Variants in SYT4 observed in about 807,000 individuals in gnomAD.
SYT4 encodes the protein synaptotagmin 4.
Under a neutral mutation model 32.9 loss-of-function variants are expected in SYT4, and 7 were observed. The ratio of observed to expected loss-of-function variants is 0.21; its 90% confidence interval spans 0.12 to 0.40. The LOEUF is 0.40. Ranked by LOEUF, SYT4 falls within the 10% of genes least tolerant of loss-of-function variation. The probability of loss-of-function intolerance (pLI) is 1.00; values close to 1 mark genes in which losing one functional copy is unlikely to be tolerated. For missense variants in SYT4, 480 were observed against 488.0 expected, an observed-to-expected ratio of 0.98 and a Z score of 0.16; for synonymous variants, 205 against 186.2, an observed-to-expected ratio of 1.10 and a Z score of -0.82.
chr18:43,275,027 T>C (rs1908750460), intron 1 of SYT4, among the ~76,000 whole-genome samples: 1 of 152,198 alleles, frequency 6.6e-6, no homozygotes, highest in African/African-American at 2.4e-5. Flanking sequence ...TTGTAACTTA[T>C]AACACTATCA....
Position 43,270,356 on chromosome 18 carries a change from C to G in SYT4, c.1263G>C (p.Val421=). The change falls in exon 4 of 4, where the codon GTG becomes GTC. Residue 421 remains valine, a synonymous_variant. Transcript: ENST00000255224. ...YPRRQIAKWH[V]LCDG is the part of the protein sequence containing the mutation. ...GGCTAGGATGCTAACCATCACAGAG[C>G]ACGTGCCACTTGGCAATTTGTCTCC... 6.2e-7 allele frequency: 1 copy of G among 1,613,920 alleles called. No homozygotes were observed. The highest frequency in any genetic ancestry group is 8.5e-7 in the Non-Finnish European group (1 of 1,179,850).
At chr18:43,276,544 T>C (rs1395220295) in intron 1 of SYT4, among the ~76,000 whole-genome samples, 2 of 152,186 alleles carry the variant, frequency 1.3e-5, no homozygotes, top group East Asian at 3.8e-4. Flanking sequence ...AAAGGAAAAC[T>C]GAACGGGAAA....
chr18:43,273,864 T>A lies in SYT4; in HGVS notation c.565A>T (p.Thr189Ser). Residue 189 changes from threonine to serine, a missense_variant, in exon 2 of 4, where the codon ACC (threonine) becomes TCC (serine). Thr to Ser is a moderately conservative substitution (Grantham distance 58). Transcript: ENST00000255224. Reference protein sequence around the residue: ...GLPAMDEQSMTSDPYIKMTIL... With the variant: ...GLPAMDEQSMSSDPYIKMTIL... ...GTCATTTTGATATATGGGTCAGAGG[T>A]CATCGACTGCTCATCCATGGCTGGC... 1 of 1,614,050 alleles carries A rather than the reference T, an allele frequency of 6.2e-7. No homozygotes were observed.
In SYT4 at chr18:43,268,137, G is replaced by T. The variant is rs1908510276; in HGVS notation, c.*2204C>A. On this transcript the variant is annotated 3_prime_UTR_variant, in exon 4 of 4. Transcript: ENST00000255224. Reference sequence around the variant, plus strand: ...AATTAATTTACATGTTTAATACAGTGCAGGATTTGTAACAGGATTCAAGAT... The same window carrying T: ...AATTAATTTACATGTTTAATACAGTTCAGGATTTGTAACAGGATTCAAGAT... 1 of 152,562 alleles carries T rather than the reference G, an allele frequency of 6.6e-6. No homozygotes were observed. Among genetic ancestry groups the T allele is most frequent in the African/African-American group, 2.4e-5 (1 of 41,418 alleles). 9.5% of individuals were successfully genotyped at this position (152,562 alleles called of 1,614,324 possible). A position where few individuals can be genotyped will look rare whatever the true frequency, so the allele number is the denominator to read the frequency against.
At position 43,273,638 on chromosome 18, in the gene SYT4, A is replaced by G; in HGVS notation, c.791T>C (p.Ile264Thr). ...IGEVLIPLSG[I>T]ELSEGKMLMN... is the part of the protein sequence containing the mutation. ...TAACATTTTTCCTTCAGATAATTCA[A>G]TTCCCGAGAGAGGAATTAGAACTTC... Residue 264 changes from isoleucine to threonine, a missense_variant, in exon 2 of 4, where the codon ATT becomes ACT. Ile to Thr is a moderately conservative substitution (Grantham distance 89, BLOSUM62 -1). Coordinates refer to ENST00000255224, the MANE Select transcript of SYT4 (RefSeq NM_020783.4). 6.2e-7 allele frequency: 1 copy of G among 1,613,850 alleles called. No individual in the cohort carries two copies. The highest frequency in any genetic ancestry group is 8.5e-7 in the Non-Finnish European group (1 of 1,179,832).
At position 43,276,976 on chromosome 18, in the gene SYT4, A is replaced by G. The variant is rs555613584; in HGVS notation, c.34+272T>C. Among the ~76,000 whole-genome samples, 19 of 152,292 alleles carry G rather than the reference A, an allele frequency of 1.2e-4. No homozygotes were observed. In the South Asian group the frequency reaches 2.5e-3, roughly 20 times the overall value. On this transcript the variant is annotated intron_variant, in intron 1 of 3. Coordinates refer to ENST00000255224, the MANE Select transcript of SYT4 (RefSeq NM_020783.4). The stretch of plus-strand genomic sequence containing the variant: ...AGACCCCTTTTTCTTTACTCAGTAC[A>G]TGCTGCAATTTACAGAAGTACCTGA...
intron 1 of SYT4, among the ~76,000 whole-genome samples, chr18:43,276,309 A>G (rs1245616703): frequency 6.6e-6 from 1 of 152,190 alleles, no homozygotes; most frequent in African/African-American, 2.4e-5. Context: ...ACAATCTTGA[A>G]AGTCAAGATC....
rs777626017 is a variant in SYT4 at position 43,277,265 on chromosome 18, G to A, written c.17C>T (p.Thr6Ile). Residue 6 changes from threonine to isoleucine, a missense_variant, in exon 1 of 4, where the codon ACC (threonine) becomes ATC (isoleucine). By Grantham distance (89) the Thr-to-Ile change is moderately conservative (BLOSUM62 -1). Coordinates refer to ENST00000255224, the MANE Select transcript of SYT4 (RefSeq NM_020783.4). Reference sequence around the variant, plus strand: ...TTGCTTACCAAATTCTTCCCGGCTGGTGGTGATCGGAGCCATTTTTTACTG... The same window carrying A: ...TTGCTTACCAAATTCTTCCCGGCTGATGGTGATCGGAGCCATTTTTTACTG... The part of the protein sequence containing the change: MAPIT[T>I]SREEFDEIPT... 6.8e-6 allele frequency: 11 copies of A among 1,613,934 alleles called. No individual in the cohort carries two copies. Among genetic ancestry groups the A allele is most frequent in the Non-Finnish European group, 9.3e-6 (11 of 1,179,960 alleles).
intron 1 of SYT4, among the ~76,000 whole-genome samples, chr18:43,276,688 C>T (rs979311671): frequency 6.6e-6 from 1 of 152,170 alleles, no homozygotes; most frequent in Non-Finnish European, 1.5e-5. Flanking sequence ...TTGAAACTCT[C>T]TTTAACCCTG....
At chr18:43,272,969 TG>T (rs143547437) in intron 2 of SYT4, among the ~76,000 whole-genome samples, 2,552 of 152,190 alleles carry the variant, frequency 0.017, 66 homozygotes, top group African/African-American at 0.059. Flanking sequence ...AAAGTGAAAA[TG>T]GGGTTAAATT....
At chr18:43,276,151 A>T (rs1031917119) in intron 1 of SYT4, among the ~76,000 whole-genome samples, 1 of 152,200 alleles carries the variant, frequency 6.6e-6, no homozygotes, top group African/African-American at 2.4e-5. Context: ...TAAACCCAAT[A>T]ACCCAAATGG....
Position 43,273,835 on chromosome 18 carries a change from G to A in SYT4, c.594C>T (p.Ile198=), listed in dbSNP as rs1324074215. The A allele has an allele frequency of 1.2e-6, 2 of 1,613,924 alleles. No individual in the cohort carries two copies. The highest frequency in any genetic ancestry group is 1.3e-5 in the African/African-American group (1 of 74,922). The change falls in exon 2 of 4, where the codon ATC becomes ATT. Residue 198 remains isoleucine, a synonymous_variant. Coordinates refer to ENST00000255224, the MANE Select transcript of SYT4 (RefSeq NM_020783.4). ...TCACTTTATGCTTCTTCTCTGGGAG[G>A]ATCGTCATTTTGATATATGGGTCAG... ...MTSDPYIKMT[I]LPEKKHKVKT... is the part of the protein sequence containing the mutation.
chr18:43,277,214 A>G, intron 1 of SYT4, 34 bp downstream of exon 1: 1 of 1,613,832 alleles, frequency 6.2e-7, no homozygotes, highest in Non-Finnish European at 8.5e-7. Flanking sequence ...TATTCAAGGA[A>G]TAACCGCAGT....
At chr18:43,271,641 A>G in intron 3 of SYT4, 71 bp downstream of exon 3, 1 of 1,585,958 alleles carries the variant, frequency 6.3e-7, no homozygotes, top group South Asian at 1.1e-5. Context: ...GAGTAAGAGT[A>G]GGTGGGCTCA....
At chr18:43,272,445 T>C (rs996764036) in intron 2 of SYT4, among the ~76,000 whole-genome samples, 8 of 152,138 alleles carry the variant, frequency 5.3e-5, no homozygotes, top group African/African-American at 1.4e-4. Context: ...ATCTTAAGCA[T>C]TGGAGAGCAT....
chr18:43,269,828 C>A lies in SYT4; in HGVS notation c.*513G>T. On this transcript the variant is annotated 3_prime_UTR_variant, in exon 4 of 4. Transcript: ENST00000255224. Reference sequence around the variant, plus strand: ...CAAACCAAACTGAAATGACCAGATACTTTTATATGCAGGACAACCATTTGC... The same window carrying A: ...CAAACCAAACTGAAATGACCAGATAATTTTATATGCAGGACAACCATTTGC... 1 of 155,068 alleles carries A rather than the reference C, an allele frequency of 6.4e-6. No homozygotes were observed. 9.6% of individuals were successfully genotyped at this position (155,068 alleles called of 1,614,324 possible). A position where few individuals can be genotyped will look rare whatever the true frequency, so the allele number is the denominator to read the frequency against.
In SYT4 at chr18:43,269,248, G is replaced by A. The variant is rs1284581367; in HGVS notation, c.*1093C>T. On this transcript the variant is annotated 3_prime_UTR_variant, in exon 4 of 4. Transcript: ENST00000255224. The stretch of plus-strand genomic sequence containing the variant: ...CTAAGCATATTTTGCGTGAACATAT[G>A]TAAATTATATTAGAATTGCTCTTGA... 2.6e-5 allele frequency: 4 copies of A among 152,170 alleles called. No individual in the cohort carries two copies. The highest frequency in any genetic ancestry group is 5.9e-5 in the Non-Finnish European group (4 of 68,038). The allele number at this position is 152,170 out of a possible 1,614,324, so 9.4% of individuals were successfully genotyped here.
chr18:43,273,450 A>T (rs1908691204), intron 2 of SYT4, 130 bp downstream of exon 2: 2 of 618,164 alleles, frequency 3.2e-6, no homozygotes, highest in Non-Finnish European at 5.5e-6. Flanking sequence ...CCATTAGATT[A>T]TAATTAATAA....
Position 43,270,635 on chromosome 18 carries a change from T to C in SYT4, c.984A>G (p.Lys328=). The change falls in exon 4 of 4, where the codon AAA becomes AAG. Residue 328 remains lysine, a synonymous_variant. Transcript: ENST00000255224. ...TCTTTTTGGCATGGTACAGGTTCAC[T>C]TTGACATAGGGATCTGCAGTGGAAC... ...DVSGLSDPYV[K]VNLYHAKKRI... 1 of 1,613,720 alleles carries C rather than the reference T, an allele frequency of 6.2e-7. No individual in the cohort carries two copies. Among genetic ancestry groups the C allele is most frequent in the Non-Finnish European group, 8.5e-7 (1 of 1,179,770 alleles).
Sources: gnomAD v4.1 joint callset for allele counts (sites outside exome capture counted in the v4.1 genomes callset) on GRCh38, gnomAD v4.1.1 for gene constraint, MANE v1.5 for transcripts, NCBI Gene and HGNC (gene_info 2026-07-23, HGNC 2026-07-21) for gene names.